Variants in CFAP92 observed in about 807,000 individuals in gnomAD.
CFAP92 encodes the protein uncharacterized protein CFAP92.
CFAP92 carries 86 observed loss-of-function variants against 106.3 expected under a neutral mutation model. That is an observed-to-expected ratio of 0.81 (90% CI 0.68 to 0.97). The LOEUF is 0.97. CFAP92 is among the 50% of genes least tolerant of loss of function. The probability of loss-of-function intolerance (pLI) is 0.00; values close to 1 mark genes in which losing one functional copy is unlikely to be tolerated. For missense variants in CFAP92, 1,204 were observed against 1,283.8 expected, an observed-to-expected ratio of 0.94 and a Z score of 0.95; for synonymous variants, 477 against 506.4, an observed-to-expected ratio of 0.94 and a Z score of 0.78.
rs78239486 is a variant in CFAP92, at chr3:128,911,736, C to A, written c.3281-1403G>T. Reference sequence around the variant, plus strand: ...GGATTACAGGCATGAGCCACTGTGCCCAGCCCTGGCTGTATTCTTGAAGCT... The same window carrying A: ...GGATTACAGGCATGAGCCACTGTGCACAGCCCTGGCTGTATTCTTGAAGCT... On this transcript the variant is annotated intron_variant, in intron 15 of 15. Coordinates refer to ENST00000645291, the MANE Select transcript of CFAP92 (RefSeq NM_001394090.1). Among the ~76,000 whole-genome samples the A allele has an allele frequency of 9.8e-4, 150 of 152,338 alleles. 1 individual carries two copies. The highest frequency in any genetic ancestry group is 3.6e-3 in the African/African-American group (148 of 41,574).
At chr3:128,915,641 C>T (rs953049668) in intron 13 of CFAP92, 78 bp from the exon 14 acceptor site, 1 of 907,558 alleles carries the variant, frequency 1.1e-6, no homozygotes, top group Non-Finnish European at 1.6e-6. Flanking sequence ...GAATCAGAAA[C>T]AGCTGGGGGC....
In CFAP92 at chr3:128,977,005, G is replaced by A; in HGVS notation, c.870C>T (p.Leu290=). 1.2e-6 allele frequency: 2 copies of A among 1,613,788 alleles called. No individual in the cohort carries two copies. Among genetic ancestry groups the A allele is most frequent in the Admixed American group, 3.3e-5 (2 of 60,028 alleles). The change falls in exon 6 of 16, where the codon CTC becomes CTT. Residue 290 remains leucine, a synonymous_variant. Coordinates refer to ENST00000645291, the MANE Select transcript of CFAP92 (RefSeq NM_001394090.1). ...SKNSEEYEKS[L]KMDDSSTIQW... ...GAATCGTGGAAGAATCGTCCATTTT[G>A]AGGGACTTCTCATATTCCTCACTGT...
chr3:128,994,761 T>G (rs1346872903), upstream of CFAP92, among the ~76,000 whole-genome samples: 1 of 152,166 alleles, frequency 6.6e-6, no homozygotes, highest in Non-Finnish European at 1.5e-5. Flanking sequence ...CTGCGGCTCC[T>G]AATGTAGAGG....
intron 1 of CFAP92, chr3:129,001,578 G>T (rs1447835461): frequency 3.0e-6 from 4 of 1,346,974 alleles, no homozygotes; most frequent in Non-Finnish European, 3.8e-6. Flanking sequence ...GGAAGTGGCG[G>T]GGCGAAGGGA....
chr3:128,970,311 G>A (rs1019583975), intron 8 of CFAP92: 3 of 152,066 alleles, frequency 2.0e-5, no homozygotes, highest in African/African-American at 7.3e-5. Flanking sequence ...CAACCCAAGA[G>A]CGCGAGAGGA....
intron 15 of CFAP92, chr3:128,910,832 G>A (rs1306590694): frequency 6.2e-7 from 1 of 1,613,922 alleles, no homozygotes; most frequent in South Asian, 1.1e-5. Flanking sequence ...CATGTCTTGG[G>A]GGAGGGAAGG....
chr3:128,977,135 G>A, intron 5 of CFAP92, 69 bp from the exon 6 acceptor site: 3 of 1,237,188 alleles, frequency 2.4e-6, no homozygotes, highest in East Asian at 2.4e-5. Context: ...GAGGGCCCCT[G>A]ACCCATTTCT....
the CFAP92 span, among the ~76,000 whole-genome samples, chr3:129,015,366 A>C: frequency 1.3e-5 from 2 of 151,404 alleles, no homozygotes; most frequent in East Asian, 3.9e-4. Context: ...CGGCCCCTGG[A>C]CTTTTCTGTC....
intron 9 of CFAP92, among the ~76,000 whole-genome samples, chr3:128,960,218 G>A (rs1158097184): frequency 6.6e-6 from 1 of 152,242 alleles, no homozygotes; most frequent in Non-Finnish European, 1.5e-5. Flanking sequence ...CACAAAGCCT[G>A]TTTGGTGGTC....
intron 12 of CFAP92, among the ~76,000 whole-genome samples, chr3:128,917,615 A>G (rs1434011270): frequency 6.6e-6 from 1 of 152,244 alleles, no homozygotes; most frequent in Non-Finnish European, 1.5e-5. Flanking sequence ...AGAATTTAAC[A>G]TAAGAAATTG....
At chr3:128,925,187 G>C (rs531450668) in intron 12 of CFAP92, among the ~76,000 whole-genome samples, 2 of 152,222 alleles carry the variant, frequency 1.3e-5, no homozygotes, top group Non-Finnish European at 2.9e-5. Context: ...AGTGGGAGAG[G>C]GTTGTATGGG....
intron 4 of CFAP92, among the ~76,000 whole-genome samples, chr3:128,985,827 A>C (rs893314586): frequency 6.6e-6 from 1 of 152,210 alleles, no homozygotes; most frequent in Non-Finnish European, 1.5e-5. Flanking sequence ...GTAGGTATAT[A>C]TATCAGTGTT....
rs1936704867 is a variant in CFAP92 at position 128,915,180 on chromosome 3, C to T, written c.3219G>A (p.Leu1073=). ...SWDRHHVDFD[L]YKKPPPFLEL... Reference sequence around the variant, plus strand: ...CGAGGAAAGGTGGTGGTTTCTTGTACAGATCAAAGTCCACGTGGTGCCTGT... The same window carrying T: ...CGAGGAAAGGTGGTGGTTTCTTGTATAGATCAAAGTCCACGTGGTGCCTGT... The change falls in exon 15 of 16, where the codon CTG becomes CTA. Residue 1073 remains leucine, a synonymous_variant. Coordinates refer to ENST00000645291, the MANE Select transcript of CFAP92 (RefSeq NM_001394090.1). The T allele has an allele frequency of 6.5e-7, 1 of 1,536,168 alleles. No homozygotes were observed. The highest frequency in any genetic ancestry group is 1.4e-5 in the African/African-American group (1 of 73,156).
At chr3:128,961,120 C>T (rs1941876641) in intron 9 of CFAP92, among the ~76,000 whole-genome samples, 2 of 152,208 alleles carry the variant, frequency 1.3e-5, no homozygotes, top group Non-Finnish European at 2.9e-5. Flanking sequence ...GACCCCAATA[C>T]AAACTCAACA....
At chr3:128,935,039 C>T in intron 11 of CFAP92, 86 bp downstream of exon 11, 3 of 1,102,998 alleles carry the variant, frequency 2.7e-6, no homozygotes, top group Admixed American at 2.8e-5. Context: ...TTGTTGGATG[C>T]CCCAGCTTGC....
chr3:128,914,927 A>G (rs1936680874), intron 15 of CFAP92, 192 bp downstream of exon 15: 3 of 600,106 alleles, frequency 5.0e-6, no homozygotes, highest in South Asian at 2.3e-5. Flanking sequence ...TTGGGGCTAG[A>G]ATCCTGGTCT....
chr3:128,935,433 C>G, intron 10 of CFAP92, 114 bp from the exon 11 acceptor site: 1 of 642,432 alleles, frequency 1.6e-6, no homozygotes, highest in Non-Finnish European at 2.5e-6. Context: ...ACCCAGGGGC[C>G]GGGTATGGTG....
intron 7 of CFAP92, among the ~76,000 whole-genome samples, chr3:128,973,979 G>C (rs892956807): frequency 6.6e-6 from 1 of 152,166 alleles, no homozygotes; most frequent in African/African-American, 2.4e-5. Flanking sequence ...AAAAAGAACG[G>C]TTTAAAAATC....
chr3:128,959,225 A>G (rs374185438), intron 9 of CFAP92, among the ~76,000 whole-genome samples: 1 of 152,136 alleles, frequency 6.6e-6, no homozygotes, highest in South Asian at 2.1e-4. Flanking sequence ...AAATAAATAA[A>G]TAAAATAAAA....
Sources: allele counts gnomAD v4.1 joint callset (sites outside exome capture counted in the v4.1 genomes callset), GRCh38; gene constraint gnomAD v4.1.1; transcripts MANE v1.5; gene names NCBI Gene and HGNC (gene_info 2026-07-23, HGNC 2026-07-21).